Variants in LZTR1 observed in about 807,000 individuals in gnomAD.
LZTR1 encodes leucine zipper like post translational regulator 1.
Under a neutral mutation model 105.7 loss-of-function variants are expected in LZTR1, and 260 were observed. The observed-to-expected ratio is 2.46, with a 90% CI of 2.22 to 2.72. The LOEUF (loss-of-function observed/expected upper bound fraction) is 2.72. LZTR1 is among the 30% of genes most tolerant of loss of function. The pLI is 0.00. For missense variants in LZTR1, 1,214 were observed against 1,166.9 expected, an observed-to-expected ratio of 1.04 and a Z score of -0.59; for synonymous variants, 490 against 476.4, an observed-to-expected ratio of 1.03 and a Z score of -0.37.
intron 15 of LZTR1, 51 bp downstream of exon 15, chr22:20,994,778 T>G: frequency 6.2e-7 from 1 of 1,608,286 alleles, no homozygotes. Context: ...TGCTCAGGCT[T>G]AGGCCCCCTC....
chr22:20,997,641 C>G lies in LZTR1; in HGVS notation c.*293C>G. On this transcript the variant is annotated 3_prime_UTR_variant, in exon 21 of 21. Transcript: ENST00000646124. ...ACGGCTCAGTGATGGGCTCACCACC[C>G]AGAAGTGGGGAGAGACTTTGGGCCT... 6.8e-6 allele frequency: 2 copies of G among 293,972 alleles called. No homozygotes were observed. Among genetic ancestry groups the G allele is most frequent in the Non-Finnish European group, 1.3e-5 (2 of 152,540 alleles). 18.2% of individuals were successfully genotyped at this position (293,972 alleles called of 1,614,324 possible).
rs377594569 is a variant in LZTR1 at position 20,995,921 on chromosome 22, C to T, written c.2070-42C>T. 9.3e-5 allele frequency: 150 copies of T among 1,613,120 alleles called. 4 individuals carry two copies. In the Middle Eastern group the frequency reaches 7.1e-3, roughly 76 times the overall value. ...GGAGGGTGGGCCTGGATGGTGTCTT[C>T]GTTCTGCTGACGGCCAGGTGCCTAC... is the stretch of plus-strand genomic sequence containing the variant. On this transcript the variant is annotated intron_variant, in intron 17 of 20. Transcript: ENST00000646124.
chr22:20,988,648 T>A, intron 5 of LZTR1, 141 bp from the exon 6 acceptor site: 1 of 663,160 alleles, frequency 1.5e-6, no homozygotes, highest in Non-Finnish European at 2.7e-6. Context: ...TCCTAGTGCC[T>A]TGTGGAGGTC....
In LZTR1 at chr22:20,996,709, GC is replaced by G. The variant is rs764787942; in HGVS notation, c.2238del (p.Tyr747ThrfsTer20). On this transcript the variant is annotated frameshift_variant, in exon 19 of 21. Coordinates refer to ENST00000646124, the MANE Select transcript of LZTR1 (RefSeq NM_006767.4). LOFTEE classifies it high-confidence loss of function. ...PPEDSLYLFAAPYYYGFYNNR... is the reference protein window; with the variant it reads ...PPEDSLYLFAXPYYYGFYNNR... ...ACCAGGCCCCAGCTACTTGTTTGCG[GC>G]CCCCTACTACTACGGCTTCTACAAC... 3 of 1,613,528 alleles carry G rather than the reference GC, an allele frequency of 1.9e-6. No individual in the cohort carries two copies. Among genetic ancestry groups the G allele is most frequent in the South Asian group, 2.2e-5 (2 of 91,066 alleles).
intron 3 of LZTR1, chr22:20,987,297 G>A: frequency 1.9e-6 from 1 of 532,228 alleles, no homozygotes; most frequent in Non-Finnish European, 3.3e-6. Context: ...AGGAGGCTGA[G>A]GCAGGACAAT....
In LZTR1 at chr22:20,983,069, T is replaced by A. The variant is rs748923374; in HGVS notation, c.243T>A (p.Tyr81Ter). ...HTVVAYKDAI[Y>*]VFGGDNGKTM... ...TGGTGGCCTATAAAGATGCCATTTA[T>A]GTATTTGGTGGAGACAATGGGTGAG... Residue 81 changes from tyrosine (Y) to a stop codon, truncating the protein, a stop_gained, in exon 2 of 21, where the codon TAT (tyrosine) becomes TAA (stop). Transcript: ENST00000646124. LOFTEE classifies it high-confidence loss of function. 1.2e-6 allele frequency: 2 copies of A among 1,613,972 alleles called. No homozygotes were observed. Among genetic ancestry groups the A allele is most frequent in the East Asian group, 2.2e-5 (1 of 44,894 alleles).
intron 2 of LZTR1, among the ~76,000 whole-genome samples, chr22:20,985,115 C>T (rs1264089457): frequency 1.6e-5 from 2 of 129,000 alleles, no homozygotes; most frequent in African/African-American, 3.0e-5. Flanking sequence ...GGCTGGTGTT[C>T]AGTGGCGCCA....
chr22:20,992,805 G>A lies in LZTR1; in HGVS notation c.1161G>A (p.Gly387=), dbSNP rs1218008965. The A allele has an allele frequency of 6.3e-7, 1 of 1,596,710 alleles. No individual in the cohort carries two copies. Among genetic ancestry groups the A allele is most frequent in the Non-Finnish European group, 8.5e-7 (1 of 1,170,760 alleles). ...PTQPASELPS[G]RLFHAAAVIS... is the part of the protein sequence containing the mutation. ...TTCTTGTCCCCCAGCTGCCCAGTGG[G>A]AGGCTCTTCCACGCGGCTGCTGTCA... The change falls in exon 11 of 21, where the codon GGG becomes GGA. Residue 387 remains glycine (G), a synonymous_variant. Transcript: ENST00000646124.
chr22:20,983,933 C>T (rs2147958088), intron 2 of LZTR1, among the ~76,000 whole-genome samples: 1 of 152,352 alleles, frequency 6.6e-6, no homozygotes, highest in East Asian at 1.9e-4. Context: ...CCCTGCCTCT[C>T]TGAGTAAAAG....
At position 20,997,481 on chromosome 22, in the gene LZTR1, C is replaced by T. The variant is rs1041514993; in HGVS notation, c.*133C>T. The T allele has an allele frequency of 1.0e-5, 7 of 703,452 alleles. No homozygotes were observed. Among genetic ancestry groups the T allele is most frequent in the East Asian group, 2.6e-5 (1 of 38,430 alleles). 43.6% of individuals were successfully genotyped at this position (703,452 alleles called of 1,614,324 possible). A position where few individuals can be genotyped will look rare whatever the true frequency, so the allele number is the denominator to read the frequency against. On this transcript the variant is annotated 3_prime_UTR_variant, in exon 21 of 21. Transcript: ENST00000646124. Reference sequence around the variant, plus strand: ...GGCCAAGGGTCAGGGTGCCCAGAGCCTCCAAAGAGAGCTGAGGGGATGTGG... The same window carrying T: ...GGCCAAGGGTCAGGGTGCCCAGAGCTTCCAAAGAGAGCTGAGGGGATGTGG...
intron 7 of LZTR1, 96 bp downstream of exon 7, chr22:20,989,778 G>C (rs1569155365): frequency 1.5e-5 from 19 of 1,298,502 alleles, no homozygotes; most frequent in Non-Finnish European, 1.9e-5. Flanking sequence ...GGGGAGACAG[G>C]GTGCAGGTGG....
chr22:20,996,911 A>AGGCACTGGACATGAAGC lies in LZTR1; in HGVS notation c.2359_2375dup (p.Cys792TrpfsTer3). 6.2e-7 allele frequency: 1 copy of AGGCACTGGACATGAAGC among 1,612,876 alleles called. No homozygotes were observed. Among genetic ancestry groups the AGGCACTGGACATGAAGC allele is most frequent in the Non-Finnish European group, 8.5e-7 (1 of 1,179,362 alleles). On this transcript the variant is annotated frameshift_variant, in exon 20 of 21. Transcript: ENST00000646124. LOFTEE classifies it high-confidence loss of function. ...ATCCTGGAGGCAGCTGACAAAACGC[A>AGGCACTGGACATGAAGC]GGCACTGGACATGAAGCGGCACTGC... is the stretch of plus-strand genomic sequence containing the variant.
chr22:20,993,815 C>T, intron 12 of LZTR1, 61 bp downstream of exon 12: 3 of 1,576,254 alleles, frequency 1.9e-6, no homozygotes, highest in Non-Finnish European at 2.6e-6. Context: ...GAATTTCGCC[C>T]CTCAGAAAAA....
At chr22:20,983,512 G>A (rs1214362059) in intron 2 of LZTR1, among the ~76,000 whole-genome samples, 2 of 152,202 alleles carry the variant, frequency 1.3e-5, no homozygotes, top group South Asian at 2.1e-4. Context: ...AGGCAACAAC[G>A]TGATGTTTTG....
At chr22:20,988,155 G>A (rs759037965) in intron 5 of LZTR1, 37 bp downstream of exon 5, 2 of 1,392,992 alleles carry the variant, frequency 1.4e-6, no homozygotes, top group East Asian at 2.3e-5. Context: ...GACAGGCTGG[G>A]TCCTGGGTGG....
Position 20,994,242 on chromosome 22 carries a change from A to C in LZTR1, c.1588A>C (p.Thr530Pro). 1 of 1,599,346 alleles carries C rather than the reference A, an allele frequency of 6.3e-7. No homozygotes were observed. The highest frequency in any genetic ancestry group is 8.5e-7 in the Non-Finnish European group (1 of 1,179,598). Residue 530 changes from threonine to proline, a missense_variant, in exon 14 of 21, where the codon ACC (threonine) becomes CCC (proline). Transcript: ENST00000646124. ...CGAGGTGCTCATGCAGTTCCTCTAC[A>C]CCGACAAGATCAAATACCCACGGAA... ...PFEVLMQFLYTDKIKYPRKGH... is the reference protein window; with the variant it reads ...PFEVLMQFLYPDKIKYPRKGH...
intron 12 of LZTR1, 82 bp from the exon 13 acceptor site, chr22:20,993,842 G>A: frequency 6.4e-7 from 1 of 1,566,040 alleles, no homozygotes; most frequent in Non-Finnish European, 8.7e-7. Context: ...CTGGCCTGGT[G>A]GTGCTGACCT....
chr22:20,986,179 A>G, intron 3 of LZTR1: 3 of 372,346 alleles, frequency 8.1e-6, no homozygotes, highest in Non-Finnish European at 1.5e-5. Context: ...GTATGGGTAC[A>G]GAAGTTGCTA....
At chr22:20,991,444 C>T (rs1924600893) in intron 8 of LZTR1, 184 bp from the exon 9 acceptor site, 2 of 591,706 alleles carry the variant, frequency 3.4e-6, no homozygotes, top group Non-Finnish European at 6.0e-6. Flanking sequence ...CCAGGCAGGG[C>T]TGGTGCCCGT....
Sources: gnomAD v4.1 joint callset for allele counts (sites outside exome capture counted in the v4.1 genomes callset) on GRCh38, gnomAD v4.1.1 for gene constraint, MANE v1.5 for transcripts, NCBI Gene and HGNC (gene_info 2026-07-23, HGNC 2026-07-21) for gene names.